TUBGCP4: variants seen among roughly 807,000 people sequenced by gnomAD.
TUBGCP4 encodes gamma-tubulin complex component 4.
Under a neutral mutation model 91.6 loss-of-function variants are expected in TUBGCP4, and 54 were observed. That is an observed-to-expected ratio of 0.59 (90% CI 0.47 to 0.74). The LOEUF is 0.74. Among genes scored for constraint, TUBGCP4 ranks in the 30% least tolerant of loss-of-function variants. The pLI, the probability that TUBGCP4 is intolerant of heterozygous loss-of-function variation, is 0.00. For missense variants in TUBGCP4, 593 were observed against 800.9 expected (o/e 0.74, Z 3.13); for synonymous variants, 297 against 302.8 (o/e 0.98, Z 0.20).
chr15:43,406,713 A>AATG lies in TUBGCP4; in HGVS notation c.*1501_*1502insGAT, dbSNP rs1409492622. ...CTATTGTGACAATAATAATAATAAT[A>AATG]ATATTGGGTCTTTGACTAGAACGTG... On this transcript the variant is annotated 3_prime_UTR_variant, in exon 18 of 18. Transcript: ENST00000564079. 1 of 427,400 alleles carries AATG rather than the reference A, an allele frequency of 2.3e-6. No homozygotes were observed. The highest frequency in any genetic ancestry group is 4.6e-6 in the Non-Finnish European group (1 of 217,070). 26.5% of individuals were successfully genotyped at this position (427,400 alleles called of 1,614,324 possible).
intron 5 of TUBGCP4, among the ~76,000 whole-genome samples, chr15:43,379,821 T>C (rs760411792): frequency 1.3e-5 from 2 of 152,204 alleles, no homozygotes; most frequent in African/African-American, 2.4e-5. Context: ...CACACTTTAC[T>C]GTGCATTAGA....
chr15:43,391,982 G>A (rs1239901035), intron 9 of TUBGCP4, among the ~76,000 whole-genome samples: 1 of 151,898 alleles, frequency 6.6e-6, no homozygotes, highest in Non-Finnish European at 1.5e-5. Context: ...TTGAACCTCG[G>A]AGGCAGAGGT....
chr15:43,380,293 TCCATGAGCAGAGGAGC>T (rs1191885455), intron 6 of TUBGCP4, 130 bp downstream of exon 6: 1 of 829,208 alleles, frequency 1.2e-6, no homozygotes, highest in African/African-American at 1.7e-5. Context: ...TAGAAAAAGC[TCCATGAGCAGAGGAGC>T]CCATGTAACC....
In TUBGCP4 at chr15:43,408,657, T is replaced by C; in HGVS notation, c.*3443T>C. 2 of 504,588 alleles carry C rather than the reference T, an allele frequency of 4.0e-6. No individual in the cohort carries two copies. Among genetic ancestry groups the C allele is most frequent in the East Asian group, 6.7e-5 (2 of 29,656 alleles). The allele number at this position is 504,588 out of a possible 1,614,324, so 31.3% of individuals were successfully genotyped here. The stretch of plus-strand genomic sequence containing the variant: ...CTTGCTTAAAACTTAGTTCTCTGAC[T>C]TTACAGGTTGAGAATATTGAACCTA... On this transcript the variant is annotated 3_prime_UTR_variant, in exon 18 of 18. Transcript: ENST00000564079.
chr15:43,384,204 A>G (rs1194325721), intron 7 of TUBGCP4, among the ~76,000 whole-genome samples: 1 of 152,136 alleles, frequency 6.6e-6, no homozygotes, highest in East Asian at 1.9e-4. Context: ...TCCTGTGGCA[A>G]TATTTCATTG....
intron 10 of TUBGCP4, 143 bp downstream of exon 10, chr15:43,395,300 A>G (rs2044562768): frequency 2.3e-6 from 2 of 853,244 alleles, no homozygotes; most frequent in Non-Finnish European, 3.9e-6. Flanking sequence ...AGCAAACTAT[A>G]CCTAATGCCA....
intron 9 of TUBGCP4, 137 bp from the exon 10 acceptor site, chr15:43,394,970 T>C (rs2044556707): frequency 1.2e-6 from 1 of 843,746 alleles, no homozygotes; most frequent in African/African-American, 1.7e-5. Flanking sequence ...AATACATTGA[T>C]TGTTTTGAGT....
rs747415179 is a variant in TUBGCP4, at chr15:43,403,676, C to T, written c.1732-7C>T. 15 of 1,603,014 alleles carry T rather than the reference C, an allele frequency of 9.4e-6. No homozygotes were observed. In the East Asian group the frequency reaches 1.8e-4, roughly 19 times the overall value. On this transcript the variant is annotated splice_region_variant and splice_polypyrimidine_tract_variant and intron_variant, in intron 15 of 17. Coordinates refer to ENST00000564079, the MANE Select transcript of TUBGCP4 (RefSeq NM_014444.5). ...CTTTCCTAATGCCAACTCTGTTTCC[C>T]GGGTAGGTGTTTCACTGCCTGAATG...
chr15:43,390,982 A>ATTCTT (rs2044457087), intron 9 of TUBGCP4, among the ~76,000 whole-genome samples: 1 of 150,910 alleles, frequency 6.6e-6, no homozygotes, highest in African/African-American at 2.4e-5. Flanking sequence ...TGCCCAGCTA[A>ATTCTT]TTCTTTTCTT....
chr15:43,407,656 A>T lies in TUBGCP4; in HGVS notation c.*2442A>T. ...AGAGAGATTTGATTCTAACCAATAC[A>T]TCCCACTCTGCACAAACCAAAGCCC... On this transcript the variant is annotated 3_prime_UTR_variant, in exon 18 of 18. Coordinates refer to ENST00000564079, the MANE Select transcript of TUBGCP4 (RefSeq NM_014444.5). 1.5e-6 allele frequency: 2 copies of T among 1,304,972 alleles called. No homozygotes were observed. Among genetic ancestry groups the T allele is most frequent in the Non-Finnish European group, 2.1e-6 (2 of 946,690 alleles). 80.8% of individuals were successfully genotyped at this position (1,304,972 alleles called of 1,614,324 possible). A position where few individuals can be genotyped will look rare whatever the true frequency, so the allele number is the denominator to read the frequency against.
intron 1 of TUBGCP4, among the ~76,000 whole-genome samples, chr15:43,373,927 C>T (rs1416901642): frequency 1.3e-5 from 2 of 152,166 alleles, no homozygotes; most frequent in East Asian, 3.9e-4. Flanking sequence ...GCTGGGATTA[C>T]AGGCGTGAGC....
At chr15:43,371,788 C>T (rs1029397299) in intron 1 of TUBGCP4, among the ~76,000 whole-genome samples, 1 of 152,050 alleles carries the variant, frequency 6.6e-6, no homozygotes, top group Non-Finnish European at 1.5e-5. Flanking sequence ...AAGTACTGGG[C>T]CAAATACACA....
intron 14 of TUBGCP4, among the ~76,000 whole-genome samples, chr15:43,400,540 G>A (rs921187433): frequency 5.3e-5 from 8 of 152,268 alleles, no homozygotes; most frequent in African/African-American, 1.7e-4. Flanking sequence ...TATGACTACA[G>A]ATACATGCCA....
At chr15:43,395,482 A>G in intron 10 of TUBGCP4, 101 bp from the exon 11 acceptor site, 1 of 921,508 alleles carries the variant, frequency 1.1e-6, no homozygotes, top group Non-Finnish European at 1.7e-6. Flanking sequence ...CTTGGGCTCA[A>G]ATTGATGAAA....
chr15:43,408,702 T>C lies in TUBGCP4; in HGVS notation c.*3488T>C. 3.4e-6 allele frequency: 2 copies of C among 588,858 alleles called. No homozygotes were observed. The highest frequency in any genetic ancestry group is 6.0e-6 in the Non-Finnish European group (2 of 332,916). The allele number at this position is 588,858 out of a possible 1,614,324, so 36.5% of individuals were successfully genotyped here. A position where few individuals can be genotyped will look rare whatever the true frequency, so the allele number is the denominator to read the frequency against. On this transcript the variant is annotated 3_prime_UTR_variant, in exon 18 of 18. Coordinates refer to ENST00000564079, the MANE Select transcript of TUBGCP4 (RefSeq NM_014444.5). ...AACCTATATACAAATCTTCACACAT[T>C]TGCAAAAGGTTCCTAGCCAATGTAA...
intron 5 of TUBGCP4, among the ~76,000 whole-genome samples, chr15:43,378,736 A>G: frequency 6.6e-6 from 1 of 152,214 alleles, no homozygotes; most frequent in East Asian, 1.9e-4. Context: ...AAATAACAAC[A>G]TCCAGCTTTT....
Position 43,405,305 on chromosome 15 carries a change from AAT to A in TUBGCP4, c.*94_*95del. The A allele has an allele frequency of 6.9e-7, 1 of 1,454,494 alleles. No homozygotes were observed. Among genetic ancestry groups the A allele is most frequent in the Non-Finnish European group, 9.6e-7 (1 of 1,037,796 alleles). The allele number at this position is 1,454,494 out of a possible 1,614,324, so 90.1% of individuals were successfully genotyped here. A position where few individuals can be genotyped will look rare whatever the true frequency, so the allele number is the denominator to read the frequency against. On this transcript the variant is annotated 3_prime_UTR_variant, in exon 18 of 18. Transcript: ENST00000564079. ...ATCCCATTCTAGCCACACACAAATAAATATCTGCGGCTTAGTGATAGGACTCT... is the reference window on the plus strand; with the variant it reads ...ATCCCATTCTAGCCACACACAAATAAATCTGCGGCTTAGTGATAGGACTCT...
At position 43,407,570 on chromosome 15, in the gene TUBGCP4, T is replaced by C. The variant is rs752870933; in HGVS notation, c.*2356T>C. Reference sequence around the variant, plus strand: ...CACATCAAATACCCCTAAAGCAATATCTGCAAGGAGCAAGGGAAAGTGAAG... The same window carrying C: ...CACATCAAATACCCCTAAAGCAATACCTGCAAGGAGCAAGGGAAAGTGAAG... On this transcript the variant is annotated 3_prime_UTR_variant, in exon 18 of 18. Transcript: ENST00000564079. The C allele has an allele frequency of 6.2e-7, 1 of 1,609,694 alleles. No homozygotes were observed. Among genetic ancestry groups the C allele is most frequent in the Non-Finnish European group, 8.5e-7 (1 of 1,177,046 alleles).
rs781239669 is a variant in TUBGCP4 at position 43,385,766 on chromosome 15, C to G, written c.724-25C>G. 5 of 1,612,852 alleles carry G rather than the reference C, an allele frequency of 3.1e-6. No individual in the cohort carries two copies. In the South Asian group the frequency reaches 5.5e-5, roughly 18 times the overall value. On this transcript the variant is annotated intron_variant, in intron 7 of 17. Coordinates refer to ENST00000564079, the MANE Select transcript of TUBGCP4 (RefSeq NM_014444.5). ...CCTTTTCTTGCTTCACACTGCATCT[C>G]GATGTGTACTCTTTCCTTGACTAGC...
Sources: allele counts gnomAD v4.1 joint callset (sites outside exome capture counted in the v4.1 genomes callset), GRCh38; gene constraint gnomAD v4.1.1; transcripts MANE v1.5; gene names NCBI Gene and HGNC (gene_info 2026-07-23, HGNC 2026-07-21).